Variants in NFIB observed in about 807,000 individuals in gnomAD.
NFIB encodes nuclear factor I B.
A neutral mutation model predicts 61.5 loss-of-function variants in NFIB; 11 were observed. That is an observed-to-expected ratio of 0.18 (90% CI 0.11 to 0.30). The LOEUF (loss-of-function observed/expected upper bound fraction) is 0.30, where lower values mean the gene tolerates loss of function less well. Among genes scored for constraint, NFIB ranks in the 10% least tolerant of loss-of-function variants. NFIB has a pLI of 1.00. For missense variants in NFIB, 471 were observed against 608.9 expected (o/e 0.77, Z 2.38); for synonymous variants, 260 against 216.5 (o/e 1.20, Z -1.76).
chr9:14,295,820 C>G (rs2059412183), intron 2 of NFIB, among the ~76,000 whole-genome samples: 1 of 152,124 alleles, frequency 6.6e-6, no homozygotes, highest in African/African-American at 2.4e-5. Flanking sequence ...TGATAGGACA[C>G]CCTTTACCCA....
the NFIB span, among the ~76,000 whole-genome samples, chr9:14,464,440 A>G: frequency 6.6e-6 from 1 of 152,184 alleles, no homozygotes. Context: ...CATTTTCAAC[A>G]TGGAAAACAT....
chr9:14,520,801 G>A, the NFIB span, among the ~76,000 whole-genome samples: 1 of 152,164 alleles, frequency 6.6e-6, no homozygotes, highest in African/African-American at 2.4e-5. Context: ...TGCATTTCAG[G>A]TACTAAGGGT....
chr9:14,354,278 C>A (rs1403546038), intron 1 of NFIB, among the ~76,000 whole-genome samples: 2 of 152,214 alleles, frequency 1.3e-5, no homozygotes, highest in African/African-American at 4.8e-5. Flanking sequence ...CACAGAACCT[C>A]CCTCACCACC....
chr9:14,191,193 C>G (rs748360324), intron 2 of NFIB, among the ~76,000 whole-genome samples: 1 of 151,186 alleles, frequency 6.6e-6, no homozygotes, highest in African/African-American at 2.4e-5. Flanking sequence ...CTGGGCATAG[C>G]GGTGGGTGCC....
chr9:14,276,779 T>C (rs1176248828), intron 2 of NFIB, among the ~76,000 whole-genome samples: 1 of 152,142 alleles, frequency 6.6e-6, no homozygotes, highest in African/African-American at 2.4e-5. Context: ...TTAGGGACTG[T>C]TTGCCTTCCA....
chr9:14,140,673 C>T (rs2041591275), intron 6 of NFIB, among the ~76,000 whole-genome samples: 1 of 152,198 alleles, frequency 6.6e-6, no homozygotes, highest in African/African-American at 2.4e-5. Flanking sequence ...GTGCCTCACA[C>T]CTGCAATCCC....
At chr9:14,203,031 T>G (rs539338170) in intron 2 of NFIB, among the ~76,000 whole-genome samples, 40 of 152,246 alleles carry the variant, frequency 2.6e-4, no homozygotes, top group Non-Finnish European at 5.3e-4. Flanking sequence ...AACAGTCTCA[T>G]GCCTTGCAGG....
chr9:14,153,804 C>T lies in NFIB; in HGVS notation c.685+2021G>A, dbSNP rs79328890. 2.0e-3 allele frequency among the ~76,000 whole-genome samples: 309 copies of T among 152,220 alleles called. 3 individuals are homozygous for T. Among genetic ancestry groups the T allele is most frequent in the East Asian group, 0.017 (87 of 5,180 alleles). On this transcript the variant is annotated intron_variant, in intron 4 of 10. Coordinates refer to ENST00000380953, the MANE Select transcript of NFIB (RefSeq NM_001190737.2). ...AAGTTTATGTTTACTTAGCAAACCC[C>T]TATTTCATAAATAATGAAGTTTAAT...
intron 10 of NFIB, among the ~76,000 whole-genome samples, chr9:14,095,767 T>A (rs1320599500): frequency 6.6e-6 from 1 of 152,206 alleles, no homozygotes; most frequent in Non-Finnish European, 1.5e-5. Flanking sequence ...TGTATCAGAA[T>A]GCTGAAGCAT....
At chr9:14,257,751 A>G (rs1004825104) in intron 2 of NFIB, among the ~76,000 whole-genome samples, 2 of 152,148 alleles carry the variant, frequency 1.3e-5, no homozygotes, top group Non-Finnish European at 2.9e-5. Flanking sequence ...GCGAGACTCC[A>G]TCTCAAAAAA....
chr9:14,143,293 T>C (rs2041950441), intron 6 of NFIB, among the ~76,000 whole-genome samples: 1 of 152,084 alleles, frequency 6.6e-6, no homozygotes, highest in African/African-American at 2.4e-5. Context: ...AACCTAGATT[T>C]TGTGTTAATA....
the NFIB span, among the ~76,000 whole-genome samples, chr9:14,468,665 C>A: frequency 1.3e-5 from 2 of 152,152 alleles, no homozygotes; most frequent in Non-Finnish European, 2.9e-5. Flanking sequence ...CTGGCAGGAA[C>A]TGGATAGAAA....
chr9:14,356,946 A>C (rs1043465337), intron 1 of NFIB, among the ~76,000 whole-genome samples: 1 of 152,184 alleles, frequency 6.6e-6, no homozygotes, highest in Admixed American at 6.5e-5. Flanking sequence ...TTATAGCGGA[A>C]TGTTTGGTCA....
chr9:14,254,232 T>C (rs987442537), intron 2 of NFIB, among the ~76,000 whole-genome samples: 4 of 151,444 alleles, frequency 2.6e-5, no homozygotes, highest in East Asian at 1.9e-4. Flanking sequence ...ACCTGGGAGG[T>C]AGAGGTTGCA....
intron 2 of NFIB, among the ~76,000 whole-genome samples, chr9:14,214,981 G>C (rs1286000235): frequency 2.0e-5 from 3 of 152,188 alleles, no homozygotes; most frequent in Admixed American, 2.0e-4. Flanking sequence ...ATTTAGGCTT[G>C]GGAGCAACGG....
chr9:14,466,375 T>C, the NFIB span, among the ~76,000 whole-genome samples: 3 of 152,276 alleles, frequency 2.0e-5, no homozygotes, highest in Admixed American at 2.0e-4. Flanking sequence ...TGGGCTGCTC[T>C]GACAGCACAC....
chr9:14,126,719 C>T (rs568192390), intron 6 of NFIB, among the ~76,000 whole-genome samples: 2 of 152,324 alleles, frequency 1.3e-5, no homozygotes, highest in African/African-American at 2.4e-5. Flanking sequence ...ATAGGAGAAA[C>T]GCCATAGATG....
chr9:14,133,420 A>G (rs2040633710), intron 6 of NFIB, among the ~76,000 whole-genome samples: 1 of 152,244 alleles, frequency 6.6e-6, no homozygotes, highest in East Asian at 1.9e-4. Flanking sequence ...GAAAAGAACC[A>G]TCTGTATAAG....
intron 2 of NFIB, among the ~76,000 whole-genome samples, chr9:14,181,104 T>C (rs2046721256): frequency 6.6e-6 from 1 of 152,232 alleles, no homozygotes; most frequent in Non-Finnish European, 1.5e-5. Context: ...TTGCTGCTTC[T>C]ACTATTAAAT....
Sources: gnomAD v4.1 joint callset for allele counts (sites outside exome capture counted in the v4.1 genomes callset) on GRCh38, gnomAD v4.1.1 for gene constraint, MANE v1.5 for transcripts, NCBI Gene and HGNC (gene_info 2026-07-23, HGNC 2026-07-21) for gene names.